The following SCFD2 variants were observed in gnomAD, a reference collection of about 807,000 sequenced individuals.
SCFD2 encodes sec1 family domain containing 2.
In SCFD2, 54 loss-of-function variants were observed where a neutral mutation model predicts 58.9. The observed-to-expected ratio is 0.92, with a 90% CI of 0.74 to 1.15. The LOEUF is 1.15. Among genes scored for constraint, SCFD2 ranks in the 50% most tolerant of loss-of-function variants. The pLI, the probability that SCFD2 is intolerant of heterozygous loss-of-function variation, is 0.00. For synonymous variants in SCFD2, 321 were observed against 335.9 expected, an observed-to-expected ratio of 0.96 and a Z score of 0.49; for missense variants, 805 against 836.6, an observed-to-expected ratio of 0.96 and a Z score of 0.47.
At chr4:52,937,844 G>C (rs1277457440) in intron 5 of SCFD2, among the ~76,000 whole-genome samples, 1 of 152,124 alleles carries the variant, frequency 6.6e-6, no homozygotes, top group Non-Finnish European at 1.5e-5. Flanking sequence ...GTTACTTACT[G>C]GTTCATTCTG....
intron 2 of SCFD2, among the ~76,000 whole-genome samples, chr4:53,350,128 G>A (rs527574760): frequency 1.3e-5 from 2 of 152,090 alleles, no homozygotes; most frequent in African/African-American, 4.8e-5. Flanking sequence ...TATTACTAAG[G>A]GGCATCTACT....
chr4:53,184,757 T>C (rs1475105777), intron 4 of SCFD2, among the ~76,000 whole-genome samples: 3 of 152,070 alleles, frequency 2.0e-5, no homozygotes, highest in African/African-American at 4.8e-5. Flanking sequence ...CAAGTATCAA[T>C]AGTGCTATGC....
At chr4:53,023,283 A>T (rs1722394150) in intron 5 of SCFD2, among the ~76,000 whole-genome samples, 1 of 152,196 alleles carries the variant, frequency 6.6e-6, no homozygotes, top group Non-Finnish European at 1.5e-5. Flanking sequence ...TGACATCTGC[A>T]ATGGGTTGTG....
intron 4 of SCFD2, among the ~76,000 whole-genome samples, chr4:53,219,779 G>A (rs182447337): frequency 4.1e-4 from 62 of 152,132 alleles, no homozygotes; most frequent in South Asian, 2.5e-3. Context: ...TCTTGGAACC[G>A]CCCCCGCAAT....
chr4:53,044,630 T>G (rs111432289), intron 5 of SCFD2, among the ~76,000 whole-genome samples: 1,807 of 10,002 alleles, frequency 0.18, 56 homozygotes, highest in African/African-American at 0.29. Flanking sequence ...CTTCCCTCCC[T>G]CCCTCCTTTT....
chr4:53,277,681 G>T (rs375523636), intron 3 of SCFD2, among the ~76,000 whole-genome samples: 1 of 152,144 alleles, frequency 6.6e-6, no homozygotes, highest in Non-Finnish European at 1.5e-5. Context: ...ATCACCAGAG[G>T]AAGCCATCAG....
At chr4:53,346,126 AGAAAT>A (rs143914261) in intron 2 of SCFD2, among the ~76,000 whole-genome samples, 84,665 of 151,380 alleles carry the variant, frequency 0.56, 23,928 homozygotes, top group Middle Eastern at 0.65. Flanking sequence ...AATAAATAAA[AGAAAT>A]AAGATATTTA....
At chr4:52,975,884 G>A (rs1721246069) in intron 5 of SCFD2, among the ~76,000 whole-genome samples, 1 of 152,052 alleles carries the variant, frequency 6.6e-6, no homozygotes, top group Admixed American at 6.6e-5. Flanking sequence ...GGACACGGAT[G>A]AAGCTGGAAA....
At chr4:53,287,455 C>A (rs937921065) in intron 3 of SCFD2, among the ~76,000 whole-genome samples, 1 of 152,188 alleles carries the variant, frequency 6.6e-6, no homozygotes, top group Non-Finnish European at 1.5e-5. Context: ...GCAGCCTAGG[C>A]CACTGACACA....
chr4:53,174,961 C>T (rs1008087172), intron 4 of SCFD2, among the ~76,000 whole-genome samples: 10 of 152,072 alleles, frequency 6.6e-5, no homozygotes, highest in Non-Finnish European at 1.2e-4. Context: ...ATGTTTGTGA[C>T]GGACCACAGC....
intron 4 of SCFD2, among the ~76,000 whole-genome samples, chr4:53,258,577 T>TACAC (rs1553893403): frequency 5.0e-4 from 61 of 121,384 alleles, no homozygotes; most frequent in African/African-American, 1.2e-3. Context: ...TATATATATA[T>TACAC]ACACACACAT....
At chr4:53,217,584 G>C (rs1162592303) in intron 4 of SCFD2, among the ~76,000 whole-genome samples, 5 of 152,128 alleles carry the variant, frequency 3.3e-5, no homozygotes, top group African/African-American at 1.2e-4. Context: ...GATGGGTCTT[G>C]ACTCTTTATC....
intron 4 of SCFD2, among the ~76,000 whole-genome samples, chr4:53,155,423 C>A (rs376991539): frequency 6.6e-6 from 1 of 152,150 alleles, no homozygotes; most frequent in Non-Finnish European, 1.5e-5. Context: ...CCTCACCAAA[C>A]GCCAGCACCT....
intron 4 of SCFD2, among the ~76,000 whole-genome samples, chr4:53,182,447 C>T (rs1455527055): frequency 6.6e-6 from 1 of 152,174 alleles, no homozygotes; most frequent in African/African-American, 2.4e-5. Flanking sequence ...ACTGGCTAGC[C>T]ATATGCAGAA....
chr4:53,191,330 C>T (rs193278851), intron 4 of SCFD2, among the ~76,000 whole-genome samples: 22 of 151,790 alleles, frequency 1.4e-4, no homozygotes, highest in Admixed American at 3.3e-4. Flanking sequence ...AATAAACAAA[C>T]GAACATAACA....
At chr4:52,963,817 A>G (rs762302962) in intron 5 of SCFD2, among the ~76,000 whole-genome samples, 6 of 152,158 alleles carry the variant, frequency 3.9e-5, no homozygotes, top group Non-Finnish European at 7.4e-5. Context: ...AGGTGAGGGG[A>G]GGATAAAATG....
chr4:53,280,091 ATATACT>A (rs1419732667), intron 3 of SCFD2, among the ~76,000 whole-genome samples: 2 of 152,226 alleles, frequency 1.3e-5, no homozygotes, highest in East Asian at 1.9e-4. Flanking sequence ...GGCTGGTAAA[ATATACT>A]TAAAATATTT....
chr4:53,016,061 A>T (rs1323178473), intron 5 of SCFD2, among the ~76,000 whole-genome samples: 1 of 152,228 alleles, frequency 6.6e-6, no homozygotes, highest in African/African-American at 2.4e-5. Context: ...ATCTAAAATA[A>T]CCATTTTCCT....
chr4:53,267,256 C>T (rs1458519135), intron 4 of SCFD2, among the ~76,000 whole-genome samples: 1 of 152,114 alleles, frequency 6.6e-6, no homozygotes, highest in South Asian at 2.1e-4. Flanking sequence ...CTCTAAAGCC[C>T]TTGGGGAAAA....
Sources: allele counts gnomAD v4.1 joint callset (sites outside exome capture counted in the v4.1 genomes callset), GRCh38; gene constraint gnomAD v4.1.1; transcripts MANE v1.5; gene names NCBI Gene and HGNC (gene_info 2026-07-23, HGNC 2026-07-21).